Variants in FCRL5 observed in about 807,000 individuals in gnomAD.
FCRL5 encodes Fc receptor like 5, also known as Fc receptor-like protein 5.
A neutral mutation model predicts 92.1 loss-of-function variants in FCRL5; 79 were observed. The ratio of observed to expected loss-of-function variants is 0.86; its 90% CI spans 0.72 to 1.03. The LOEUF is 1.03. Among genes scored for constraint, FCRL5 ranks in the 50% least tolerant of loss-of-function variants. FCRL5 has a pLI of 0.00. For synonymous variants in FCRL5, 466 were observed against 469.3 expected (o/e 0.99, Z 0.09); for missense variants, 1,160 against 1,181.1 (o/e 0.98, Z 0.26).
intron 8 of FCRL5, among the ~76,000 whole-genome samples, chr1:157,531,666 C>T (rs1650702350): frequency 6.6e-6 from 1 of 151,874 alleles, no homozygotes; most frequent in Admixed American, 6.6e-5. Context: ...CTGTGATTTG[C>T]AGCAATATAA....
At position 157,544,925 on chromosome 1, in the gene FCRL5, A is replaced by G. The variant is rs748386122; in HGVS notation, c.465T>C (p.His155=). 6 of 1,614,182 alleles carry G rather than the reference A, an allele frequency of 3.7e-6. No individual in the cohort carries two copies. The East Asian group carries it at 6.7e-5, about 18-fold the overall frequency. ...ATGCACCATTGTCCTTGAGACATGC[A>G]TGAGGAATATGGAAGTCAGTTCTTT... is the stretch of plus-strand genomic sequence containing the variant. The part of the protein sequence containing the change: ...LNKRTDFHIP[H]ACLKDNGAYR... The change falls in exon 4 of 17, where the codon CAT becomes CAC. Residue 155 remains histidine, a synonymous_variant. Coordinates refer to ENST00000361835, the MANE Select transcript of FCRL5 (RefSeq NM_031281.3).
chr1:157,538,944 T>C (rs1651108466), intron 7 of FCRL5, 142 bp downstream of exon 7: 5 of 912,718 alleles, frequency 5.5e-6, no homozygotes, highest in East Asian at 2.7e-5. Context: ...GCTGGTTCAG[T>C]GAGCTAGAGA....
intron 3 of FCRL5, chr1:157,546,330 C>A: frequency 2.4e-6 from 1 of 424,520 alleles, no homozygotes. Flanking sequence ...CTCTTGTAGT[C>A]CTACTTACTA....
At chr1:157,524,196 G>T in intron 10 of FCRL5, 83 bp downstream of exon 10, 2 of 1,485,974 alleles carry the variant, frequency 1.3e-6, no homozygotes, top group South Asian at 1.2e-5. Context: ...GCCCTGAGGA[G>T]CTCTGTGGCT....
In FCRL5 at chr1:157,536,090, C is replaced by T. The variant is rs181227545; in HGVS notation, c.1403-1198G>A. Among the ~76,000 whole-genome samples the T allele has an allele frequency of 1.7e-3, 261 of 151,940 alleles. 1 individual carries two copies. The highest frequency in any genetic ancestry group is 6.2e-3 in the East Asian group (32 of 5,170). On this transcript the variant is annotated intron_variant, in intron 7 of 16. Coordinates refer to ENST00000361835, the MANE Select transcript of FCRL5 (RefSeq NM_031281.3). ...CTGAGTAGCTGGCGTTACAGGCGAC[C>T]GCCACCACACCTGGCTAATTTTTGT...
Position 157,539,205 on chromosome 1 carries a change from G to T in FCRL5, c.1283C>A (p.Ser428Tyr). 6.2e-7 allele frequency: 1 copy of T among 1,614,196 alleles called. No homozygotes were observed. The highest frequency in any genetic ancestry group is 8.5e-7 in the Non-Finnish European group (1 of 1,180,032). The change falls in exon 7 of 17, where the codon TCT becomes TAT. Residue 428 changes from serine to tyrosine, a missense_variant. Coordinates refer to ENST00000361835, the MANE Select transcript of FCRL5 (RefSeq NM_031281.3). ...GAALERRSAN[S>Y]AGGVAISFSL... ...GAAGCTGATGGCCACTCCTCCTGCA[G>T]AGTTGGCCGACCTACGCTCCAGGGC... is the stretch of plus-strand genomic sequence containing the variant.
At chr1:157,541,164 G>A (rs1977589) in intron 6 of FCRL5, among the ~76,000 whole-genome samples, 2 of 152,136 alleles carry the variant, frequency 1.3e-5, no homozygotes, top group African/African-American at 4.8e-5. Context: ...CTTGGTGACA[G>A]TGGGGCACAC....
Position 157,527,789 on chromosome 1 carries a change from G to T in FCRL5, c.1788C>A (p.Ile596=), listed in dbSNP as rs1326912078. The stretch of plus-strand genomic sequence containing the variant: ...CATCCTCATGATAAAACCAGTACAG[G>T]ATTGGGGGAGAGCCTCTCGGGGCCT... ...HCEAPRGSPP[I]LYWFYHEDVT... Residue 596 remains isoleucine, a synonymous_variant, in exon 9 of 17, where the codon ATC becomes ATA. Transcript: ENST00000361835. 6.2e-7 allele frequency: 1 copy of T among 1,614,098 alleles called. No individual in the cohort carries two copies. Among genetic ancestry groups the T allele is most frequent in the Admixed American group, 1.7e-5 (1 of 60,018 alleles).
rs371180103 is a variant in FCRL5 at position 157,518,459 on chromosome 1, G to A, written c.2782C>T (p.Arg928Trp). 4.0e-5 allele frequency: 64 copies of A among 1,614,094 alleles called. 1 individual carries two copies. The highest frequency in any genetic ancestry group is 4.0e-4 in the South Asian group (36 of 91,078). The change falls in exon 15 of 17, where the codon CGG becomes TGG. Residue 928 changes from arginine to tryptophan, a missense_variant. Coordinates refer to ENST00000361835, the MANE Select transcript of FCRL5 (RefSeq NM_031281.3). ...RGENVVYSEV[R>W]IIQEKKKHAV... ...TGTTTCTTTTTCTCTTGGATGATCC[G>A]TACTTCTGAGTAAACCACATTTTCT...
chr1:157,531,681 A>T (rs563504512), intron 8 of FCRL5, among the ~76,000 whole-genome samples: 131 of 152,270 alleles, frequency 8.6e-4, no homozygotes, highest in South Asian at 7.3e-3. Flanking sequence ...ATATAAAAAG[A>T]CCTGGAGGAT....
chr1:157,519,769 C>T lies in FCRL5; in HGVS notation c.2634G>A (p.Gly878=). 1 of 1,613,996 alleles carries T rather than the reference C, an allele frequency of 6.2e-7. No homozygotes were observed. Among genetic ancestry groups the T allele is most frequent in the Non-Finnish European group, 8.5e-7 (1 of 1,179,972 alleles). ...LLYCWLSRKA[G]RKPASDPARS... The stretch of plus-strand genomic sequence containing the variant: ...TGGCGGGGTCAGAGGCAGGCTTTCT[C>T]CCTGTAAAGGAAAGCAGAGGAGCAT... The change falls in exon 13 of 17, where the codon GGG becomes GGA. Residue 878 remains glycine, a splice_region_variant and synonymous_variant. Coordinates refer to ENST00000361835, the MANE Select transcript of FCRL5 (RefSeq NM_031281.3).
intron 7 of FCRL5, 49 bp downstream of exon 7, chr1:157,539,037 A>G: frequency 1.9e-6 from 3 of 1,589,300 alleles, no homozygotes; most frequent in Non-Finnish European, 2.6e-6. Flanking sequence ...GTTGGGTAAG[A>G]GAGGACTCTT....
chr1:157,545,025 C>T lies in FCRL5; in HGVS notation c.365G>A (p.Arg122Lys), dbSNP rs758345040. The change falls in exon 4 of 17, where the codon AGG becomes AAG. Residue 122 changes from arginine (R) to lysine (K), a missense_variant. By Grantham distance (26) the Arg-to-Lys change is conservative. Transcript: ENST00000361835. ...SVFEGDSVVL[R>K]CRAKAEVTLN... ...TGTTACTTCCGCCTTTGCCCGGCAC[C>T]TCAGAACCACAGAGTCTCCTTCAAA... The T allele has an allele frequency of 6.2e-7, 1 of 1,613,406 alleles. No individual in the cohort carries two copies.
chr1:157,544,755 T>C, intron 4 of FCRL5, 76 bp downstream of exon 4: 3 of 1,569,984 alleles, frequency 1.9e-6, no homozygotes, highest in Non-Finnish European at 2.6e-6. Flanking sequence ...TCCACCCTTT[T>C]CCTCCTGTTC....
intron 9 of FCRL5, among the ~76,000 whole-genome samples, chr1:157,527,076 T>C (rs1650462894): frequency 6.6e-6 from 1 of 152,084 alleles, no homozygotes; most frequent in Admixed American, 6.5e-5. Context: ...CAAGGATGCA[T>C]GGAAGATCTT....
intron 1 of FCRL5, among the ~76,000 whole-genome samples, chr1:157,549,929 C>T (rs1248013617): frequency 6.6e-6 from 1 of 151,880 alleles, no homozygotes; most frequent in East Asian, 1.9e-4. Flanking sequence ...GGGCCACTAG[C>T]CCAGTGTGTA....
chr1:157,518,292 A>G, intron 15 of FCRL5, 137 bp downstream of exon 15: 1 of 695,542 alleles, frequency 1.4e-6, no homozygotes, highest in South Asian at 1.8e-5. Flanking sequence ...CAGCATAGGC[A>G]CACATAAAGA....
intron 5 of FCRL5, among the ~76,000 whole-genome samples, 192 bp downstream of exon 5, chr1:157,544,070 C>T (rs1377269195): frequency 1.3e-5 from 2 of 152,180 alleles, no homozygotes; most frequent in African/African-American, 4.8e-5. Context: ...TTAGACCTTT[C>T]TTTTCTTGGA....
chr1:157,542,791 T>A, intron 6 of FCRL5, 68 bp downstream of exon 6: 1 of 1,549,430 alleles, frequency 6.5e-7, no homozygotes, highest in East Asian at 2.3e-5. Flanking sequence ...ATATGCTGAC[T>A]TCCGAAGGGC....
Sources: allele counts gnomAD v4.1 joint callset (sites outside exome capture counted in the v4.1 genomes callset), GRCh38; gene constraint gnomAD v4.1.1; transcripts MANE v1.5; gene names NCBI Gene and HGNC (gene_info 2026-07-23, HGNC 2026-07-21).